The following HPS4 variants were observed in gnomAD, a reference collection of about 807,000 sequenced individuals.
HPS4 encodes HPS4 biogenesis of lysosomal organelles complex 3 subunit 2.
HPS4 carries 44 observed loss-of-function variants against 70.3 expected under a neutral mutation model. The observed-to-expected ratio is 0.63, with a 90% CI of 0.49 to 0.80. The LOEUF is 0.80. Ranked by LOEUF, HPS4 falls within the 30% of genes least tolerant of loss-of-function variation. HPS4 has a pLI of 0.00. For synonymous variants in HPS4, 377 were observed against 355.9 expected (o/e 1.06, Z -0.67); for missense variants, 873 against 884.4 (o/e 0.99, Z 0.16).
intron 8 of HPS4, 47 bp from the exon 9 acceptor site, chr22:26,466,309 C>G: frequency 6.2e-7 from 1 of 1,604,072 alleles, no homozygotes; most frequent in Non-Finnish European, 8.5e-7. Flanking sequence ...CCACATTCTC[C>G]TCTTGACCTA....
chr22:26,483,172 T>G lies in HPS4; in HGVS notation c.-479+502A>C, dbSNP rs186966378. Among the ~76,000 whole-genome samples the G allele has an allele frequency of 8.5e-5, 13 of 152,280 alleles. No homozygotes were observed. The South Asian group carries it at 1.5e-3, about 17-fold the overall frequency. ...ACTCATTGTATTCTATGGAGCATAT[T>G]TGGGTGCCTGTGGAGGGGGTATCTC... is the stretch of plus-strand genomic sequence containing the variant. On this transcript the variant is annotated intron_variant, in intron 1 of 13. Coordinates refer to ENST00000398145, the MANE Select transcript of HPS4 (RefSeq NM_022081.6).
chr22:26,483,066 C>T (rs1414539873), intron 1 of HPS4, among the ~76,000 whole-genome samples: 4 of 152,186 alleles, frequency 2.6e-5, no homozygotes, highest in African/African-American at 7.2e-5. Flanking sequence ...AGAGACGACC[C>T]CCATTGAATA....
At chr22:26,448,703 A>T (rs549620258), downstream of HPS4, among the ~76,000 whole-genome samples, 8 of 152,314 alleles carry the variant, frequency 5.3e-5, no homozygotes, top group South Asian at 1.4e-3. Flanking sequence ...TTCTCAGGGG[A>T]AGTACAGCTA....
intron 8 of HPS4, chr22:26,466,615 C>T (rs1407331997): frequency 2.5e-6 from 1 of 401,588 alleles, no homozygotes; most frequent in Non-Finnish European, 4.7e-6. Context: ...TTCTAGAATA[C>T]AGTCACATCT....
At chr22:26,450,096 T>C (rs2085093670), downstream of HPS4, among the ~76,000 whole-genome samples, 1 of 152,178 alleles carries the variant, frequency 6.6e-6, no homozygotes, top group African/African-American at 2.4e-5. Flanking sequence ...TGTGAGGGCA[T>C]TTAGGGACCA....
At chr22:26,462,733 G>A (rs1397434449) in intron 11 of HPS4, among the ~76,000 whole-genome samples, 1 of 152,182 alleles carries the variant, frequency 6.6e-6, no homozygotes, top group Non-Finnish European at 1.5e-5. Context: ...GGCATTGGCA[G>A]GGAGATGAGG....
At chr22:26,476,176 G>A (rs1423336332) in intron 4 of HPS4, 1 of 152,028 alleles carries the variant, frequency 6.6e-6, no homozygotes, top group African/African-American at 2.4e-5. Context: ...AAATTCAACT[G>A]TTCAGTACTT....
At chr22:26,466,359 A>G in intron 8 of HPS4, 97 bp from the exon 9 acceptor site, 1 of 1,367,522 alleles carries the variant, frequency 7.3e-7, no homozygotes, top group Non-Finnish European at 1.0e-6. Context: ...CATAAAACTT[A>G]GCCAGGCCCA....
downstream of HPS4, among the ~76,000 whole-genome samples, chr22:26,449,525 T>C (rs932156144): frequency 2.0e-5 from 3 of 151,942 alleles, no homozygotes; most frequent in African/African-American, 7.3e-5. Context: ...GAGACAGGGT[T>C]TCATCACGTT....
At chr22:26,483,537 C>G (rs997287519) in intron 1 of HPS4, 137 bp downstream of exon 1, 1 of 169,734 alleles carries the variant, frequency 5.9e-6, no homozygotes. Flanking sequence ...AGCACTAGGG[C>G]TGTGCGGTGT....
Position 26,477,140 on chromosome 22 carries a change from T to C in HPS4, c.133-4A>G, listed in dbSNP as rs767589441. ...ACTCCTGTTGGTCTAGCAGGGTCTG[T>C]GGGAAAGGAGCACATTCCAGATAGG... On this transcript the variant is annotated splice_region_variant and splice_polypyrimidine_tract_variant and intron_variant, in intron 3 of 13. Transcript: ENST00000398145. 3 of 1,614,168 alleles carry C rather than the reference T, an allele frequency of 1.9e-6. No individual in the cohort carries two copies. Among genetic ancestry groups the C allele is most frequent in the South Asian group, 1.1e-5 (1 of 91,080 alleles).
In HPS4 at chr22:26,479,797, T is replaced by G. The variant is rs568076524; in HGVS notation, c.42-442A>C. The G allele has an allele frequency of 9.6e-4, 523 of 543,220 alleles. 5 individuals carry two copies. Among genetic ancestry groups the G allele is most frequent in the South Asian group, 9.1e-3 (132 of 14,560 alleles). The allele number at this position is 543,220 out of a possible 1,614,324, so 33.6% of individuals were successfully genotyped here. Reference sequence around the variant, plus strand: ...AAACAGCCCTTCTACCAGGAATTCATGCATTCACTTAAACATTTACTGAGG... The same window carrying G: ...AAACAGCCCTTCTACCAGGAATTCAGGCATTCACTTAAACATTTACTGAGG... On this transcript the variant is annotated intron_variant, in intron 2 of 13. Coordinates refer to ENST00000398145, the MANE Select transcript of HPS4 (RefSeq NM_022081.6).
chr22:26,452,909 A>G lies in HPS4; in HGVS notation c.*324T>C, dbSNP rs1213069862. 1 of 344,184 alleles carries G rather than the reference A, an allele frequency of 2.9e-6. No individual in the cohort carries two copies. The allele number at this position is 344,184 out of a possible 1,614,324, so 21.3% of individuals were successfully genotyped here. ...GCCAACTTGGAAGCTTGTGGCACCA[A>G]TTCAAGCTGGGATGGAACAGCAGGA... On this transcript the variant is annotated 3_prime_UTR_variant, in exon 14 of 14. Transcript: ENST00000398145.
At chr22:26,446,508 T>C (rs1437961105), downstream of HPS4, among the ~76,000 whole-genome samples, 1 of 152,166 alleles carries the variant, frequency 6.6e-6, no homozygotes, top group Non-Finnish European at 1.5e-5. Context: ...AGCATCTTTT[T>C]TCATTGTTCC....
intron 10 of HPS4, 48 bp from the exon 11 acceptor site, chr22:26,464,874 G>C: frequency 6.6e-7 from 1 of 1,521,360 alleles, no homozygotes; most frequent in Middle Eastern, 1.8e-4. Flanking sequence ...ACAGACTGCA[G>C]GGCAAGTGCC....
At chr22:26,446,325 A>G (rs2084950880), downstream of HPS4, among the ~76,000 whole-genome samples, 1 of 152,166 alleles carries the variant, frequency 6.6e-6, no homozygotes, top group South Asian at 2.1e-4. Context: ...AGAGTCACCC[A>G]GATTGTCTGG....
Position 26,464,110 on chromosome 22 carries a change from T to C in HPS4, c.1520A>G (p.Glu507Gly), listed in dbSNP as rs763311479. Reference sequence around the variant, plus strand: ...ACAGTTTGCTGAGCCTGAACTGCATTCCAGACCAGGGGCTGCGTGGCTTTC... The same window carrying C: ...ACAGTTTGCTGAGCCTGAACTGCATCCCAGACCAGGGGCTGCGTGGCTTTC... ...VCESHAAPGL[E>G]CSSGSANCQG... is the part of the protein sequence containing the mutation. The change falls in exon 11 of 14, where the codon GAA becomes GGA. Residue 507 changes from glutamate to glycine, a missense_variant. By Grantham distance (98) the Glu-to-Gly change is moderately conservative. Transcript: ENST00000398145. The C allele has an allele frequency of 6.2e-7, 1 of 1,614,254 alleles. No homozygotes were observed. The highest frequency in any genetic ancestry group is 8.5e-7 in the Non-Finnish European group (1 of 1,180,042).
chr22:26,471,382 G>A (rs2089782778), intron 6 of HPS4: 1 of 456,156 alleles, frequency 2.2e-6, no homozygotes, highest in Non-Finnish European at 4.4e-6. Context: ...CAGGGGCCTA[G>A]AAGTCCCTAA....
chr22:26,454,118 C>G (rs773711819), intron 13 of HPS4: 9 of 153,050 alleles, frequency 5.9e-5, no homozygotes, highest in Non-Finnish European at 1.2e-4. Context: ...TCCCCCAAAT[C>G]TAGTGAGAAA....
Sources: gnomAD v4.1 joint callset for allele counts (sites outside exome capture counted in the v4.1 genomes callset) on GRCh38, gnomAD v4.1.1 for gene constraint, MANE v1.5 for transcripts, NCBI Gene and HGNC (gene_info 2026-07-23, HGNC 2026-07-21) for gene names.